The following RGPD2 variants were observed in gnomAD, a reference collection of about 807,000 sequenced individuals.
RGPD2 encodes RANBP2 like and GRIP domain containing 2.
In RGPD2, 2 loss-of-function variants were observed where a neutral mutation model predicts 36.0. The ratio of observed to expected loss-of-function variants is 0.06; its 90% confidence interval spans 0.02 to 0.17. RGPD2 has a LOEUF of 0.17. Among genes scored for constraint, RGPD2 ranks in the 10% least tolerant of loss-of-function variants. The pLI is 1.00. For missense variants in RGPD2, 40 were observed against 464.3 expected (o/e 0.09, Z 8.40); for synonymous variants, 19 against 163.8 (o/e 0.12, Z 6.75).
At chr2:87,922,068 C>A in the RGPD2 span, among the ~76,000 whole-genome samples, 3 of 151,150 alleles carry the variant, frequency 2.0e-5, no homozygotes, top group Non-Finnish European at 4.4e-5. Context: ...CTGAGGCGGG[C>A]GGATCACAAG....
At chr2:87,984,766 T>C in the RGPD2 span, among the ~76,000 whole-genome samples, 1 of 150,092 alleles carries the variant, frequency 6.7e-6, no homozygotes, top group South Asian at 2.1e-4. Context: ...CCATCTCTAC[T>C]AAAAATACAA....
the RGPD2 span, among the ~76,000 whole-genome samples, chr2:87,841,617 A>T: frequency 1.3e-5 from 2 of 151,946 alleles, no homozygotes; most frequent in African/African-American, 4.8e-5. Context: ...TCACAGTCGA[A>T]TTCTACCAGA....
the RGPD2 span, among the ~76,000 whole-genome samples, chr2:87,885,504 A>C: frequency 2.6e-5 from 4 of 151,730 alleles, no homozygotes; most frequent in Admixed American, 1.3e-4. Context: ...TAGCCAGAGC[A>C]ATTAGGCAAG....
chr2:87,927,674 T>G, the RGPD2 span, among the ~76,000 whole-genome samples: 1 of 151,624 alleles, frequency 6.6e-6, no homozygotes, highest in African/African-American at 2.4e-5. Flanking sequence ...TATAGTATCA[T>G]GTCTTTTTTT....
the RGPD2 span, among the ~76,000 whole-genome samples, chr2:87,876,608 G>A: frequency 6.6e-6 from 1 of 152,270 alleles, no homozygotes; most frequent in African/African-American, 2.4e-5. Flanking sequence ...ATTTACTGAG[G>A]AGTGTTTTAC....
the RGPD2 span, among the ~76,000 whole-genome samples, chr2:87,914,350 T>C: frequency 1.7e-5 from 1 of 59,552 alleles, no homozygotes; most frequent in East Asian, 3.6e-4. Context: ...TGTGTAGTGA[T>C]CCAAATTTGG....
the RGPD2 span, among the ~76,000 whole-genome samples, chr2:87,943,601 CTG>C: frequency 2.0e-5 from 3 of 151,642 alleles, no homozygotes; most frequent in Non-Finnish European, 4.4e-5. Context: ...TCTCTTTACT[CTG>C]TTGATTGTTT....
the RGPD2 span, among the ~76,000 whole-genome samples, chr2:87,964,051 G>A: frequency 4.6e-5 from 7 of 151,812 alleles, no homozygotes; most frequent in East Asian, 1.2e-3. Flanking sequence ...GGACAGGCTG[G>A]TCTTGAACTC....
upstream of RGPD2, chr2:87,826,075 T>C: frequency 3.3e-6 from 1 of 303,198 alleles, no homozygotes; most frequent in South Asian, 2.9e-5. Context: ...TAAGCTGAAC[T>C]TGTTCCAATC....
At chr2:87,905,456 C>T in the RGPD2 span, among the ~76,000 whole-genome samples, 2 of 152,008 alleles carry the variant, frequency 1.3e-5, no homozygotes, top group African/African-American at 4.8e-5. Context: ...CAAAATAAGA[C>T]AAAAACTATT....
the RGPD2 span, chr2:87,985,631 G>T: frequency 2.8e-5 from 31 of 1,125,568 alleles, no homozygotes; most frequent in Non-Finnish European, 3.8e-5. Flanking sequence ...TTTTGAATAT[G>T]GTACGCCTAT....
the RGPD2 span, among the ~76,000 whole-genome samples, chr2:87,989,414 A>C: frequency 1.3e-5 from 2 of 152,092 alleles, no homozygotes; most frequent in African/African-American, 4.8e-5. Context: ...CCATCATCAA[A>C]AGGACATTTA....
the RGPD2 span, among the ~76,000 whole-genome samples, chr2:87,905,370 G>A: frequency 6.6e-6 from 1 of 152,250 alleles, no homozygotes; most frequent in Non-Finnish European, 1.5e-5. Flanking sequence ...GCAGGAAAGA[G>A]CATCCTGATA....
chr2:87,848,859 GGT>G, the RGPD2 span, among the ~76,000 whole-genome samples: 28,123 of 142,652 alleles, frequency 0.2, 231 homozygotes, highest in Non-Finnish European at 0.23. Context: ...TTGAGGGTGT[GGT>G]GTGTGTGTGT....
At chr2:87,861,157 T>C in the RGPD2 span, among the ~76,000 whole-genome samples, 3 of 151,050 alleles carry the variant, frequency 2.0e-5, no homozygotes, top group Non-Finnish European at 4.4e-5. Context: ...TTTTCATCTT[T>C]TGAAAATTAA....
At chr2:87,825,497 CGAGGCCG>C (rs1273536682) in intron 1 of RGPD2, among the ~76,000 whole-genome samples, 154 bp downstream of exon 1, 18 of 56,640 alleles carry the variant, frequency 3.2e-4, no homozygotes, top group East Asian at 1.3e-3. Flanking sequence ...GCCGCCCGGC[CGAGGCCG>C]AGGCCGAGGC....
the RGPD2 span, among the ~76,000 whole-genome samples, chr2:87,962,447 T>G: frequency 1.3e-5 from 2 of 152,042 alleles, 1 homozygote; most frequent in African/African-American, 4.8e-5. Context: ...GCATTTTGTT[T>G]TATTTCAACC....
the RGPD2 span, among the ~76,000 whole-genome samples, chr2:87,977,533 G>T: frequency 2.0e-5 from 3 of 150,812 alleles, no homozygotes; most frequent in Non-Finnish European, 4.4e-5. Context: ...CATGTACAAG[G>T]CCAGGCGTGG....
chr2:87,883,473 CA>C, the RGPD2 span, among the ~76,000 whole-genome samples: 31 of 150,140 alleles, frequency 2.1e-4, no homozygotes, highest in African/African-American at 6.9e-4. Flanking sequence ...TAAACAATTA[CA>C]AAAAAAAAGT....
Sources: allele counts gnomAD v4.1 joint callset (sites outside exome capture counted in the v4.1 genomes callset), GRCh38; gene constraint gnomAD v4.1.1; transcripts MANE v1.5; gene names NCBI Gene and HGNC (gene_info 2026-07-23, HGNC 2026-07-21).